Variants in CSTF1 observed in about 807,000 individuals in gnomAD.
CSTF1 encodes CF-1 50 kDa subunit.
Under a neutral mutation model 40.9 loss-of-function variants are expected in CSTF1, and 2 were observed. That is an observed-to-expected ratio of 0.05 (90% confidence interval 0.02 to 0.15). CSTF1 has a LOEUF of 0.15. Ranked by LOEUF, CSTF1 falls within the 10% of genes least tolerant of loss-of-function variation. The pLI is 1.00. For synonymous variants in CSTF1, 218 were observed against 207.2 expected, an observed-to-expected ratio of 1.05 and a Z score of -0.45; for missense variants, 279 against 558.9, an observed-to-expected ratio of 0.50 and a Z score of 5.05.
At chr20:56,395,281 C>A (rs1325296924) in intron 1 of CSTF1, among the ~76,000 whole-genome samples, 1 of 152,194 alleles carries the variant, frequency 6.6e-6, no homozygotes, top group African/African-American at 2.4e-5. Context: ...ATGACTTGAA[C>A]AATTTCTGTA....
rs1978359411 is a variant in CSTF1 at position 56,399,441 on chromosome 20, A to G, written c.1036+84A>G. 1 of 1,223,162 alleles carries G rather than the reference A, an allele frequency of 8.2e-7. No homozygotes were observed. Among genetic ancestry groups the G allele is most frequent in the African/African-American group, 1.5e-5 (1 of 66,316 alleles). The allele number at this position is 1,223,162 out of a possible 1,614,324, so 75.8% of individuals were successfully genotyped here. A position where few individuals can be genotyped will look rare whatever the true frequency, so the allele number is the denominator to read the frequency against. Reference sequence around the variant, plus strand: ...TCTTTTAAGACCTCACAATAGAGCAACACAATATCTATGCATTGAGCAAGG... The same window carrying G: ...TCTTTTAAGACCTCACAATAGAGCAGCACAATATCTATGCATTGAGCAAGG... On this transcript the variant is annotated intron_variant, in intron 5 of 5. Transcript: ENST00000217109. This position sits in a 1 kb window ranked among gnomAD's most constrained non-coding sequence, Gnocchi z 4.6.
chr20:56,395,937 G>A (rs914103613), intron 2 of CSTF1: 6 of 514,292 alleles, frequency 1.2e-5, no homozygotes, highest in Non-Finnish European at 2.1e-5. Flanking sequence ...GTTCTGGCCT[G>A]AGGGTCTTTG....
At chr20:56,403,259 T>A (rs552048108) in intron 5 of CSTF1, among the ~76,000 whole-genome samples, 1 of 151,968 alleles carries the variant, frequency 6.6e-6, no homozygotes, top group African/African-American at 2.4e-5. Flanking sequence ...CAAGCAGCCC[T>A]CCTTCCTCAG....
intron 5 of CSTF1, among the ~76,000 whole-genome samples, chr20:56,400,339 A>T (rs1432888510): frequency 6.6e-6 from 1 of 152,200 alleles, no homozygotes; most frequent in African/African-American, 2.4e-5. Context: ...ATTCTTGGTG[A>T]CTTCATTGAA....
rs1987555088 is a variant in CSTF1 at position 56,397,631 on chromosome 20, C to G, written c.448-13C>G. ...ACATTCTGTGCCTTGAGCATCTCTT[C>G]TTGTTGGTCTAGGTCATGATGAATG... is the stretch of plus-strand genomic sequence containing the variant. On this transcript the variant is annotated splice_polypyrimidine_tract_variant and intron_variant, in intron 3 of 5. Coordinates refer to ENST00000217109, the MANE Select transcript of CSTF1 (RefSeq NM_001324.3). This position sits in a 1 kb window ranked among gnomAD's most constrained non-coding sequence, Gnocchi z 4.4. The G allele has an allele frequency of 6.2e-7, 1 of 1,613,174 alleles. No individual in the cohort carries two copies. The highest frequency in any genetic ancestry group is 8.5e-7 in the Non-Finnish European group (1 of 1,179,232).
rs934475500 is a variant in CSTF1, at chr20:56,395,663, A to T, written c.111A>T (p.Glu37Asp). The change falls in exon 2 of 6, where the codon GAA (glutamate) becomes GAT (aspartate). Residue 37 changes from glutamate (E) to aspartate (D), a missense_variant. Coordinates refer to ENST00000217109, the MANE Select transcript of CSTF1 (RefSeq NM_001324.3). ...GCATCGCCAATGGCCTCATCAATGA[A>T]ATCAAGCCTCAGTCTGTGTGTGCAC... ...YISIANGLIN[E>D]IKPQSVCAPS... 1 of 1,614,090 alleles carries T rather than the reference A, an allele frequency of 6.2e-7. No individual in the cohort carries two copies. The highest frequency in any genetic ancestry group is 1.7e-5 in the Admixed American group (1 of 59,994).
In CSTF1 at chr20:56,392,679, G is replaced by C. The variant is rs1987291929; in HGVS notation, c.-67G>C. 1.3e-5 allele frequency: 2 copies of C among 152,238 alleles called. No homozygotes were observed. Among genetic ancestry groups the C allele is most frequent in the African/African-American group, 4.8e-5 (2 of 41,456 alleles). 9.4% of individuals were successfully genotyped at this position (152,238 alleles called of 1,614,324 possible). ...AGGATTCGCGCCTCCATTTTTCCAGGAGAGAGCGGGATACCAAGAGAACCG... is the reference window on the plus strand; with the variant it reads ...AGGATTCGCGCCTCCATTTTTCCAGCAGAGAGCGGGATACCAAGAGAACCG... On this transcript the variant is annotated 5_prime_UTR_variant, in exon 1 of 6. Coordinates refer to ENST00000217109, the MANE Select transcript of CSTF1 (RefSeq NM_001324.3).
intron 5 of CSTF1, among the ~76,000 whole-genome samples, chr20:56,401,279 A>G (rs1327311894): frequency 6.6e-6 from 1 of 152,168 alleles, no homozygotes; most frequent in Non-Finnish European, 1.5e-5. Context: ...AGAAAAAAGG[A>G]GCCAAAGGAC....
intron 5 of CSTF1, 131 bp from the exon 6 acceptor site, chr20:56,403,337 T>A (rs1978553002): frequency 3.6e-6 from 4 of 1,111,956 alleles, no homozygotes; most frequent in Non-Finnish European, 5.2e-6. Context: ...TTTGTACTTT[T>A]TTAGAGTTTC....
chr20:56,403,461 G>C lies in CSTF1; in HGVS notation c.1037-7G>C. 1 of 1,613,866 alleles carries C rather than the reference G, an allele frequency of 6.2e-7. No homozygotes were observed. Among genetic ancestry groups the C allele is most frequent in the Non-Finnish European group, 8.5e-7 (1 of 1,179,828 alleles). On this transcript the variant is annotated splice_region_variant and splice_polypyrimidine_tract_variant and intron_variant, in intron 5 of 5. Transcript: ENST00000217109. Reference sequence around the variant, plus strand: ...TAGAAAGCTATCCCTCTTGCTCTCTGTGGCAGGCGCGGGTTTAAGTGGACG... The same window carrying C: ...TAGAAAGCTATCCCTCTTGCTCTCTCTGGCAGGCGCGGGTTTAAGTGGACG...
chr20:56,397,000 A>G, intron 2 of CSTF1: 2 of 550,778 alleles, frequency 3.6e-6, no homozygotes, highest in Non-Finnish European at 3.2e-6. Context: ...CTAACCTTCC[A>G]GCAACCCATG....
intron 2 of CSTF1, chr20:56,396,821 G>A (rs1462777619): frequency 1.8e-5 from 3 of 162,382 alleles, no homozygotes; most frequent in South Asian, 2.0e-4. Flanking sequence ...CTAACTTAAC[G>A]AGCATCAGAG....
chr20:56,400,039 T>C (rs546990650), intron 5 of CSTF1, among the ~76,000 whole-genome samples: 1 of 152,256 alleles, frequency 6.6e-6, no homozygotes, highest in Non-Finnish European at 1.5e-5. Context: ...GACTGTTGTT[T>C]GGTAGAAAAC....
intron 4 of CSTF1, among the ~76,000 whole-genome samples, chr20:56,398,387 A>G (rs553642553): frequency 6.6e-6 from 1 of 152,256 alleles, no homozygotes; most frequent in East Asian, 1.9e-4. Flanking sequence ...TGAGCAATGT[A>G]GTGAGACCTC....
chr20:56,395,987 C>G (rs1600728700), intron 2 of CSTF1: 1 of 320,812 alleles, frequency 3.1e-6, no homozygotes, highest in East Asian at 5.3e-5. Context: ...ATATTACTGA[C>G]TTCCTTCAGA....
chr20:56,402,206 C>CTGAGG (rs1297847569), intron 5 of CSTF1, among the ~76,000 whole-genome samples: 2 of 151,770 alleles, frequency 1.3e-5, no homozygotes, highest in African/African-American at 4.8e-5. Flanking sequence ...ACTCAGGAGG[C>CTGAGG]TGAGGCAGGA....
Position 56,397,451 on chromosome 20 carries a change from G to A in CSTF1, c.414G>A (p.Glu138=), listed in dbSNP as rs772433993. Residue 138 remains glutamate (E), a synonymous_variant, in exon 3 of 6, where the codon GAG becomes GAA. Transcript: ENST00000217109. The surrounding 1 kb of genome is among the most constrained non-coding windows in gnomAD (Gnocchi z 4.4). ...ADASIKILDT[E]RMLAKSAMPI... ...CTTCGATAAAGATACTTGACACAGA[G>A]AGGATGTTGGCCAAAAGTGCCATGC... is the stretch of plus-strand genomic sequence containing the variant. 9.9e-6 allele frequency: 16 copies of A among 1,613,890 alleles called. No homozygotes were observed. The South Asian group carries it at 1.5e-4, about 16-fold the overall frequency.
chr20:56,403,988 T>G lies in CSTF1; in HGVS notation c.*261T>G, dbSNP rs1450473655. On this transcript the variant is annotated 3_prime_UTR_variant, in exon 6 of 6. Transcript: ENST00000217109. ...TTCATCGGTTTTGTAAGTACAGGAC[T>G]TGCCGTTTCTTTTGATCTCTTGATT... is the stretch of plus-strand genomic sequence containing the variant. 7.8e-6 allele frequency: 3 copies of G among 385,288 alleles called. No homozygotes were observed. In the East Asian group the frequency reaches 1.2e-4, roughly 15 times the overall value. The allele number at this position is 385,288 out of a possible 1,614,324, so 23.9% of individuals were successfully genotyped here. A position where few individuals can be genotyped will look rare whatever the true frequency, so the allele number is the denominator to read the frequency against.
At chr20:56,401,988 T>C (rs1345822195) in intron 5 of CSTF1, among the ~76,000 whole-genome samples, 1 of 152,144 alleles carries the variant, frequency 6.6e-6, no homozygotes, top group Admixed American at 6.5e-5. Context: ...ATTAATAGTA[T>C]ATGACAAATG....
Sources: gnomAD v4.1 joint callset for allele counts (sites outside exome capture counted in the v4.1 genomes callset) on GRCh38, gnomAD v4.1.1 for gene constraint, Gnocchi (gnomAD v3.1) non-coding constraint, MANE v1.5 for transcripts, NCBI Gene and HGNC (gene_info 2026-07-23, HGNC 2026-07-21) for gene names.